The following NHSL2 variants were observed in gnomAD, a reference collection of about 807,000 sequenced individuals.
The protein encoded by NHSL2 is NHS like 2.
A neutral mutation model predicts 53.4 loss-of-function variants in NHSL2; 27 were observed. That is an observed-to-expected ratio of 0.51 (90% CI 0.37 to 0.70). The LOEUF (loss-of-function observed/expected upper bound fraction) is 0.70, where lower values mean the gene tolerates loss of function less well. NHSL2 is among the 30% of genes least tolerant of loss of function. The pLI, the probability that NHSL2 is intolerant of heterozygous loss-of-function variation, is 0.00. For missense variants in NHSL2, 892 were observed against 980.1 expected, an observed-to-expected ratio of 0.91 and a Z score of 1.20; for synonymous variants, 408 against 404.1, an observed-to-expected ratio of 1.01 and a Z score of -0.12.
chrX:71,985,449 T>G (rs57985518), intron 1 of NHSL2, among the ~76,000 whole-genome samples: 2,363 of 112,299 alleles, frequency 0.021, 62 homozygotes, highest in African/African-American at 0.073. Flanking sequence ...TCAAATTGTG[T>G]CCTGTTGCAA....
At chrX:71,965,860 T>C (rs1306317679) in intron 1 of NHSL2, 2 of 112,501 alleles carry the variant, frequency 1.8e-5, no homozygotes, top group African/African-American at 6.4e-5. Flanking sequence ...TCATTTTCTG[T>C]GAATGCTAAT....
At chrX:72,042,136 G>C (rs2042277843) in intron 1 of NHSL2, among the ~76,000 whole-genome samples, 2 of 112,653 alleles carry the variant, frequency 1.8e-5, no homozygotes, top group South Asian at 3.6e-4. Context: ...GGGCCTTGCA[G>C]GCATCATGGA....
At chrX:71,924,360 G>C (rs1311762613) in intron 1 of NHSL2, among the ~76,000 whole-genome samples, 2 of 111,748 alleles carry the variant, frequency 1.8e-5, no homozygotes, top group Non-Finnish European at 3.8e-5. Flanking sequence ...CCTTCACTAT[G>C]TTCCTGCTAT....
At chrX:71,959,206 T>C (rs6525552) in intron 1 of NHSL2, among the ~76,000 whole-genome samples, 9,679 of 111,879 alleles carry the variant, frequency 0.087, 436 homozygotes, top group East Asian at 0.27. Context: ...CCCCCACTCA[T>C]CTGGCTCTTG....
intron 1 of NHSL2, among the ~76,000 whole-genome samples, chrX:71,991,679 C>T (rs988981702): frequency 8.9e-6 from 1 of 112,762 alleles, no homozygotes; most frequent in Non-Finnish European, 1.9e-5. Flanking sequence ...ACAGAGGGCA[C>T]TGGTTGCAGG....
At position 72,145,493 on chromosome X, in the gene NHSL2, G is replaced by A. The variant is rs991834659; in HGVS notation, c.*1919G>A. 8.9e-6 allele frequency: 1 copy of A among 112,653 alleles called. No homozygotes were observed. The highest frequency in any genetic ancestry group is 1.9e-5 in the Non-Finnish European group (1 of 53,392). 9.3% of individuals were successfully genotyped at this position (112,653 alleles called of 1,213,427 possible). A position where few individuals can be genotyped will look rare whatever the true frequency, so the allele number is the denominator to read the frequency against. ...TGAAAGTACTAGAACTACTTGGTGT[G>A]AAGTTCTTAACCAAATTCCAAATTC... On this transcript the variant is annotated 3_prime_UTR_variant, in exon 8 of 8. Coordinates refer to ENST00000633930, the MANE Select transcript of NHSL2 (RefSeq NM_001013627.3).
intron 1 of NHSL2, among the ~76,000 whole-genome samples, chrX:71,911,722 C>T (rs1029496991): frequency 3.5e-5 from 4 of 112,700 alleles, no homozygotes; most frequent in African/African-American, 1.3e-4. Flanking sequence ...CCCAGGCCCT[C>T]GGCGCCGTCC....
At chrX:72,122,403 G>A (rs529985599) in intron 1 of NHSL2, among the ~76,000 whole-genome samples, 9 of 112,836 alleles carry the variant, frequency 8.0e-5, no homozygotes, top group African/African-American at 2.9e-4. Context: ...TTATAGGGTT[G>A]TGATGATTCA....
intron 1 of NHSL2, among the ~76,000 whole-genome samples, chrX:71,941,030 A>G (rs1004692737): frequency 8.9e-6 from 1 of 111,818 alleles, no homozygotes; most frequent in African/African-American, 3.3e-5. Flanking sequence ...GATGTCGGTA[A>G]GGGAGTAGTT....
chrX:71,918,768 A>AC, intron 1 of NHSL2, among the ~76,000 whole-genome samples: 1 of 111,796 alleles, frequency 8.9e-6, no homozygotes, highest in South Asian at 3.8e-4. Flanking sequence ...TGTGCAGGGA[A>AC]CCCCCACTGC....
chrX:71,962,046 T>C (rs1054356331), intron 1 of NHSL2, among the ~76,000 whole-genome samples: 2 of 112,402 alleles, frequency 1.8e-5, no homozygotes, highest in African/African-American at 6.5e-5. Context: ...ATTTTGTTTT[T>C]TGTTTGTTTT....
chrX:72,137,011 A>T, intron 4 of NHSL2, 83 bp from the exon 5 acceptor site: 6 of 681,444 alleles, frequency 8.8e-6, no homozygotes, highest in East Asian at 4.0e-5. Flanking sequence ...CACGACTGCC[A>T]TCATTCTCTT....
chrX:71,946,390 C>A (rs2041792737), intron 1 of NHSL2, among the ~76,000 whole-genome samples: 1 of 111,976 alleles, frequency 8.9e-6, no homozygotes, highest in Non-Finnish European at 1.9e-5. Flanking sequence ...CAAATTGGGT[C>A]ATGATGGAAG....
chrX:71,935,998 G>GGTGTTGCCTATGA (rs1213274862), intron 1 of NHSL2, among the ~76,000 whole-genome samples: 1 of 112,214 alleles, frequency 8.9e-6, no homozygotes, highest in Non-Finnish European at 1.9e-5. Context: ...CTGAAAGCCA[G>GGTGTTGCCTATGA]GTGTTGCCTA....
At chrX:71,969,313 T>C (rs1469946583) in intron 1 of NHSL2, among the ~76,000 whole-genome samples, 3 of 97,206 alleles carry the variant, frequency 3.1e-5, no homozygotes, top group African/African-American at 4.6e-5. Context: ...TTTCTTTTTT[T>C]TTTTTCTTTT....
At position 72,140,467 on chromosome X, in the gene NHSL2, C is replaced by T. The variant is rs145084561; in HGVS notation, c.2919C>T (p.Asp973=). The change falls in exon 6 of 8, where the codon GAC becomes GAT. Residue 973 remains aspartate (D), a synonymous_variant. Coordinates refer to ENST00000633930, the MANE Select transcript of NHSL2 (RefSeq NM_001013627.3). The stretch of plus-strand genomic sequence containing the variant: ...AGCCTCCCCAGGGAAGTGTAGAGGA[C>T]GAGGGCCCCAAGGTGAGGGTTCTGC... The part of the protein sequence containing the change: ...TQQPPQGSVE[D]EGPKVRVLPE... The T allele has an allele frequency of 3.9e-3, 4,666 of 1,207,681 alleles. 5 individuals are homozygous for T. The highest frequency in any genetic ancestry group is 4.8e-3 in the Non-Finnish European group (4,282 of 893,933).
At chrX:72,020,382 G>C (rs748163296) in intron 1 of NHSL2, among the ~76,000 whole-genome samples, 1 of 112,613 alleles carries the variant, frequency 8.9e-6, no homozygotes, top group Admixed American at 9.3e-5. Context: ...ATGTTGGCTG[G>C]GACCCCAAAA....
rs889597776 is a variant in NHSL2 at position 72,133,999 on chromosome X, C to T, written c.437-92C>T. The T allele has an allele frequency of 6.5e-6, 6 of 929,448 alleles. No homozygotes were observed. The South Asian group carries it at 1.5e-4, about 23-fold the overall frequency. The allele number at this position is 929,448 out of a possible 1,213,427, so 76.6% of individuals were successfully genotyped here. A position where few individuals can be genotyped will look rare whatever the true frequency, so the allele number is the denominator to read the frequency against. On this transcript the variant is annotated intron_variant, in intron 2 of 7. Coordinates refer to ENST00000633930, the MANE Select transcript of NHSL2 (RefSeq NM_001013627.3). Reference sequence around the variant, plus strand: ...AGAAAATGCAAGTCAGGCCTGGCAGCTAGAGCAGGAGTCCTGGCTCATGGC... The same window carrying T: ...AGAAAATGCAAGTCAGGCCTGGCAGTTAGAGCAGGAGTCCTGGCTCATGGC...
intron 1 of NHSL2, among the ~76,000 whole-genome samples, chrX:71,941,743 A>G (rs930138302): frequency 2.7e-5 from 3 of 112,355 alleles, no homozygotes; most frequent in African/African-American, 9.7e-5. Context: ...TTTAGAAAAG[A>G]CATTAGGGGA....
Sources: allele counts gnomAD v4.1 joint callset (sites outside exome capture counted in the v4.1 genomes callset), GRCh38; gene constraint gnomAD v4.1.1; transcripts MANE v1.5; gene names NCBI Gene and HGNC (gene_info 2026-07-23, HGNC 2026-07-21).